Variants in SATB2 observed in about 807,000 individuals in gnomAD.
SATB2 encodes the protein DNA-binding protein SATB2.
In SATB2, 1 loss-of-function variant was observed where a neutral mutation model predicts 73.4. The ratio of observed to expected loss-of-function variants is 0.01; its 90% CI spans 0.00 to 0.06. The LOEUF (loss-of-function observed/expected upper bound fraction) is 0.06. Ranked by LOEUF, SATB2 falls within the 10% of genes least tolerant of loss-of-function variation. The pLI, the probability that SATB2 is intolerant of heterozygous loss-of-function variation, is 1.00. For missense variants in SATB2, 459 were observed against 945.8 expected, an observed-to-expected ratio of 0.49 and a Z score of 6.75; for synonymous variants, 397 against 367.0, an observed-to-expected ratio of 1.08 and a Z score of -0.93.
upstream of SATB2, among the ~76,000 whole-genome samples, chr2:199,466,668 C>T (rs1235382082): frequency 6.6e-6 from 1 of 152,222 alleles, no homozygotes; most frequent in Non-Finnish European, 1.5e-5. Context: ...CCATTGGTCC[C>T]ATCCTGGGCT....
At chr2:199,466,234 C>A (rs926865118), upstream of SATB2, among the ~76,000 whole-genome samples, 1 of 152,200 alleles carries the variant, frequency 6.6e-6, no homozygotes, top group Non-Finnish European at 1.5e-5. Flanking sequence ...GGACACCCAA[C>A]AGCTGGGGCA....
intron 3 of SATB2, among the ~76,000 whole-genome samples, chr2:199,402,494 T>G (rs896235545): frequency 6.6e-6 from 1 of 152,094 alleles, no homozygotes; most frequent in Non-Finnish European, 1.5e-5. Flanking sequence ...GAGGTGGAGG[T>G]TGCAGTGAGC....
At chr2:199,352,314 G>T (rs1288535328) in intron 6 of SATB2, among the ~76,000 whole-genome samples, 1 of 152,024 alleles carries the variant, frequency 6.6e-6, no homozygotes, top group African/African-American at 2.4e-5. Context: ...ATTTTCTTGA[G>T]ATATATCTAA....
At chr2:199,361,901 C>G (rs908785898) in intron 6 of SATB2, among the ~76,000 whole-genome samples, 15 of 151,550 alleles carry the variant, frequency 9.9e-5, no homozygotes. Flanking sequence ...GGGATTACAG[C>G]TAACTTTTTG....
At chr2:199,320,054 G>A (rs1006035093) in intron 9 of SATB2, among the ~76,000 whole-genome samples, 55 of 152,048 alleles carry the variant, frequency 3.6e-4, no homozygotes, top group Admixed American at 3.1e-3. Context: ...GGGGGAAAGC[G>A]GCCCTACAGA....
intron 3 of SATB2, among the ~76,000 whole-genome samples, chr2:199,398,592 T>A (rs1690373581): frequency 6.6e-6 from 1 of 152,186 alleles, no homozygotes; most frequent in African/African-American, 2.4e-5. Flanking sequence ...ACTCAGTGCC[T>A]CTCGATCTCC....
intron 9 of SATB2, among the ~76,000 whole-genome samples, chr2:199,323,508 C>CACACATATAT (rs372830951): frequency 8.3e-5 from 12 of 144,354 alleles, no homozygotes; most frequent in African/African-American, 2.8e-4. Flanking sequence ...CACACACACA[C>CACACATATAT]ATATATAAAG....
At chr2:199,273,876 A>G (rs987966764) in intron 10 of SATB2, among the ~76,000 whole-genome samples, 1 of 152,176 alleles carries the variant, frequency 6.6e-6, no homozygotes, top group African/African-American at 2.4e-5. Context: ...CCACAGGCCT[A>G]TGTGAGAAGG....
intron 2 of SATB2, among the ~76,000 whole-genome samples, chr2:199,453,978 A>C (rs1183217539): frequency 6.6e-6 from 1 of 152,116 alleles, no homozygotes; most frequent in Non-Finnish European, 1.5e-5. Flanking sequence ...ATCAAGAGAA[A>C]GTGTCTAAGG....
chr2:199,323,818 A>T lies in SATB2; in HGVS notation c.1527T>A (p.Ala509=). 1 of 1,613,458 alleles carries T rather than the reference A, an allele frequency of 6.2e-7. No homozygotes were observed. Among genetic ancestry groups the T allele is most frequent in the Non-Finnish European group, 8.5e-7 (1 of 1,179,586 alleles). ...KVSQALFAKV[A]ANKSQGWLCE... The stretch of plus-strand genomic sequence containing the variant: ...AACCACTCACCTGACTTTTATTTGC[A>T]GCCACTTTGGCAAACAGGGCTTGAG... Residue 509 remains alanine, a synonymous_variant, in exon 9 of 11, where the codon GCT becomes GCA. Coordinates refer to ENST00000417098, the MANE Select transcript of SATB2 (RefSeq NM_001172509.2).
chr2:199,336,704 A>G (rs561686163), intron 7 of SATB2, among the ~76,000 whole-genome samples: 33 of 152,280 alleles, frequency 2.2e-4, no homozygotes, highest in Non-Finnish European at 3.2e-4. Context: ...GATTTCACAA[A>G]AGGATTACTG....
intron 3 of SATB2, among the ~76,000 whole-genome samples, chr2:199,424,645 C>T (rs1365541763): frequency 6.6e-6 from 1 of 152,014 alleles, no homozygotes; most frequent in Non-Finnish European, 1.5e-5. Flanking sequence ...TCTGAAATTT[C>T]ACAATTTTGC....
At chr2:199,446,979 C>T (rs1259536769) in intron 2 of SATB2, among the ~76,000 whole-genome samples, 1 of 152,132 alleles carries the variant, frequency 6.6e-6, no homozygotes. Flanking sequence ...AAACCTGGAG[C>T]TCTGACTACT....
At chr2:199,405,015 T>C (rs1690588899) in intron 3 of SATB2, among the ~76,000 whole-genome samples, 1 of 152,224 alleles carries the variant, frequency 6.6e-6, no homozygotes, top group South Asian at 2.1e-4. Flanking sequence ...ATGGAAACAG[T>C]TGAGTAATTA....
intron 2 of SATB2, among the ~76,000 whole-genome samples, chr2:199,448,901 C>T (rs184174598): frequency 1.3e-5 from 2 of 152,190 alleles, no homozygotes; most frequent in Admixed American, 1.3e-4. Context: ...TGAATCTGCC[C>T]ACACACTATT....
chr2:199,350,788 C>T (rs1013171666), intron 6 of SATB2, among the ~76,000 whole-genome samples: 1 of 151,828 alleles, frequency 6.6e-6, no homozygotes, highest in Non-Finnish European at 1.5e-5. Context: ...TTTGGGAGGC[C>T]GAGGCTGGTG....
At chr2:199,323,661 T>C in intron 9 of SATB2, 142 bp downstream of exon 9, 2 of 967,024 alleles carry the variant, frequency 2.1e-6, no homozygotes, top group East Asian at 2.6e-5. Flanking sequence ...AAAAGCAAAC[T>C]AGAGTAAAAG....
At position 199,463,826 on chromosome 2, in the gene SATB2, C is replaced by T. The variant is rs2105968121; in HGVS notation, c.-141+1010G>A. On this transcript the variant is annotated intron_variant, in intron 1 of 11. Coordinates refer to the SATB2 transcript ENST00000260926. The surrounding 1 kb of genome is among the most constrained non-coding windows in gnomAD (Gnocchi z 6.4). ...CCCAAGATAGCACCCGGTCCGCACC[C>T]CAAATTTCAGGCAGGCCAGCAGGCG... Among the ~76,000 whole-genome samples the T allele has an allele frequency of 6.6e-6, 1 of 152,318 alleles. No homozygotes were observed. The highest frequency in any genetic ancestry group is 6.5e-5 in the Admixed American group (1 of 15,308).
At chr2:199,434,768 C>A (rs928514754) in intron 2 of SATB2, among the ~76,000 whole-genome samples, 1 of 152,020 alleles carries the variant, frequency 6.6e-6, no homozygotes, top group African/African-American at 2.4e-5. Flanking sequence ...TCCAGAACCC[C>A]CTCCCTGTGG....
Sources: allele counts gnomAD v4.1 joint callset (sites outside exome capture counted in the v4.1 genomes callset), GRCh38; gene constraint gnomAD v4.1.1; non-coding constraint Gnocchi (gnomAD v3.1); transcripts MANE v1.5; gene names NCBI Gene and HGNC (gene_info 2026-07-23, HGNC 2026-07-21).